Variants in GLRA3 observed in about 807,000 individuals in gnomAD.
GLRA3 encodes glycine receptor alpha 3.
A neutral mutation model predicts 60.4 loss-of-function variants in GLRA3; 44 were observed. The observed-to-expected ratio is 0.73, with a 90% CI of 0.57 to 0.94. The LOEUF is 0.94. Ranked by LOEUF, GLRA3 falls within the 40% of genes least tolerant of loss-of-function variation. GLRA3 has a pLI of 0.00. For missense variants in GLRA3, 508 were observed against 564.6 expected (o/e 0.90, Z 1.02); for synonymous variants, 223 against 192.9 (o/e 1.16, Z -1.29).
At chr4:174,668,442 CTATGGT>C (rs1432993016) in intron 7 of GLRA3, among the ~76,000 whole-genome samples, 3 of 152,096 alleles carry the variant, frequency 2.0e-5, no homozygotes, top group African/African-American at 7.2e-5. Flanking sequence ...GCAGTATATG[CTATGGT>C]TGAGAGACCT....
chr4:174,791,547 T>C (rs1739346534), intron 1 of GLRA3, among the ~76,000 whole-genome samples: 2 of 152,216 alleles, frequency 1.3e-5, no homozygotes, highest in Admixed American at 1.3e-4. Context: ...TGGTTCTTTT[T>C]TTATAATCTC....
At chr4:174,692,518 G>T (rs1352544811) in intron 5 of GLRA3, among the ~76,000 whole-genome samples, 1 of 150,482 alleles carries the variant, frequency 6.6e-6, no homozygotes, top group Non-Finnish European at 1.5e-5. Flanking sequence ...GTGGGGAAAA[G>T]ATTGAGAAAT....
intron 1 of GLRA3, among the ~76,000 whole-genome samples, chr4:174,800,514 A>G (rs1739765425): frequency 6.6e-6 from 1 of 151,950 alleles, no homozygotes; most frequent in South Asian, 2.1e-4. Flanking sequence ...TCCTGATTTC[A>G]TTTATTTTCC....
At chr4:174,686,634 G>A (rs1734563152) in intron 5 of GLRA3, among the ~76,000 whole-genome samples, 1 of 152,170 alleles carries the variant, frequency 6.6e-6, no homozygotes, top group South Asian at 2.1e-4. Flanking sequence ...CACGAGACAG[G>A]CAGAAACTGC....
chr4:174,717,735 T>G (rs2111101867), intron 4 of GLRA3, among the ~76,000 whole-genome samples: 1 of 152,332 alleles, frequency 6.6e-6, no homozygotes, highest in East Asian at 1.9e-4. Context: ...TGTGTAATTT[T>G]ACAAAGTTCT....
intron 9 of GLRA3, among the ~76,000 whole-genome samples, chr4:174,651,299 T>A (rs1211867123): frequency 6.6e-6 from 1 of 152,162 alleles, no homozygotes; most frequent in Non-Finnish European, 1.5e-5. Context: ...AAAGATGAGA[T>A]GACAAGGACA....
chr4:174,766,461 G>GT (rs1227665554), intron 3 of GLRA3, among the ~76,000 whole-genome samples: 1 of 151,928 alleles, frequency 6.6e-6, no homozygotes, highest in Non-Finnish European at 1.5e-5. Flanking sequence ...CAATTTTTAT[G>GT]TTTTTCTGGC....
At chr4:174,798,739 A>C (rs1739676268) in intron 1 of GLRA3, among the ~76,000 whole-genome samples, 1 of 152,186 alleles carries the variant, frequency 6.6e-6, no homozygotes, top group South Asian at 2.1e-4. Flanking sequence ...CCTGGCTAAC[A>C]CGGTGAAACC....
At chr4:174,758,044 T>TAATCTCCTCATGC (rs1260441840) in intron 3 of GLRA3, among the ~76,000 whole-genome samples, 1 of 152,132 alleles carries the variant, frequency 6.6e-6, no homozygotes, top group East Asian at 1.9e-4. Context: ...TCTCGTCCTG[T>TAATCTCCTCATGC]AATCTCCTCA....
chr4:174,828,965 T>G lies in GLRA3; in HGVS notation c.-154A>C, dbSNP rs1028623749. ...GCACCTTAGACAGCTCCCCGCAGTA[T>G]GCGGACCCCTTCTCAGCATTGAGCA... On this transcript the variant is annotated 5_prime_UTR_variant, in exon 1 of 10. Transcript: ENST00000274093. 18 of 631,410 alleles carry G rather than the reference T, an allele frequency of 2.9e-5. No individual in the cohort carries two copies. The highest frequency in any genetic ancestry group is 5.6e-5 in the South Asian group (3 of 53,466). 39.1% of individuals were successfully genotyped at this position (631,410 alleles called of 1,614,324 possible).
At chr4:174,797,413 T>A (rs1390524674) in intron 1 of GLRA3, among the ~76,000 whole-genome samples, 1 of 152,230 alleles carries the variant, frequency 6.6e-6, no homozygotes, top group Non-Finnish European at 1.5e-5. Flanking sequence ...TTTTCTGTGC[T>A]GCACCAAGTA....
intron 5 of GLRA3, among the ~76,000 whole-genome samples, chr4:174,701,827 G>C (rs1735333904): frequency 6.6e-6 from 1 of 152,128 alleles, no homozygotes; most frequent in Non-Finnish European, 1.5e-5. Flanking sequence ...AATTAGAAGA[G>C]GAGCCTCAAG....
chr4:174,753,248 T>TG (rs1389419170), intron 3 of GLRA3, among the ~76,000 whole-genome samples: 1 of 152,154 alleles, frequency 6.6e-6, no homozygotes, highest in African/African-American at 2.4e-5. Context: ...GTTGGCTTGT[T>TG]GTTTTGTGGG....
At chr4:174,702,531 C>T (rs1046786072) in intron 5 of GLRA3, among the ~76,000 whole-genome samples, 3 of 151,740 alleles carry the variant, frequency 2.0e-5, no homozygotes, top group Non-Finnish European at 4.4e-5. Context: ...ATTTGTGATA[C>T]TATTGGTGAG....
chr4:174,683,543 G>A (rs1022670070), intron 5 of GLRA3, among the ~76,000 whole-genome samples: 2 of 151,974 alleles, frequency 1.3e-5, no homozygotes, highest in Non-Finnish European at 2.9e-5. Flanking sequence ...TAGAGACGGG[G>A]TTTTACCATA....
chr4:174,766,141 A>T (rs1311778894), intron 3 of GLRA3, among the ~76,000 whole-genome samples: 1 of 151,996 alleles, frequency 6.6e-6, no homozygotes, highest in African/African-American at 2.4e-5. Context: ...TTGGTTTTTT[A>T]AACTAATAAA....
At chr4:174,696,026 A>T (rs945401165) in intron 5 of GLRA3, among the ~76,000 whole-genome samples, 1 of 152,136 alleles carries the variant, frequency 6.6e-6, no homozygotes, top group Non-Finnish European at 1.5e-5. Context: ...ATACCTAGGA[A>T]TAACCAGGGA....
chr4:174,695,932 C>G (rs942495795), intron 5 of GLRA3, among the ~76,000 whole-genome samples: 2 of 151,956 alleles, frequency 1.3e-5, no homozygotes, highest in Non-Finnish European at 2.9e-5. Flanking sequence ...ACTATCATTC[C>G]TATACACCAA....
intron 1 of GLRA3, among the ~76,000 whole-genome samples, chr4:174,822,733 A>T (rs1740789533): frequency 6.6e-6 from 1 of 152,210 alleles, no homozygotes; most frequent in African/African-American, 2.4e-5. Flanking sequence ...GTTTGTATGT[A>T]CTCATGGAGA....
Sources: allele counts gnomAD v4.1 joint callset (sites outside exome capture counted in the v4.1 genomes callset), GRCh38; gene constraint gnomAD v4.1.1; transcripts MANE v1.5; gene names NCBI Gene and HGNC (gene_info 2026-07-23, HGNC 2026-07-21).